The following MYT1L variants were observed in gnomAD, a reference collection of about 807,000 sequenced individuals.
MYT1L encodes myelin transcription factor 1-like protein.
MYT1L carries 12 observed loss-of-function variants against 126.7 expected under a neutral mutation model. The observed-to-expected ratio is 0.09, with a 90% CI of 0.06 to 0.15. The LOEUF is 0.15. MYT1L is among the 10% of genes least tolerant of loss of function. The probability of loss-of-function intolerance (pLI) is 1.00; values close to 1 mark genes in which losing one functional copy is unlikely to be tolerated. For synonymous variants in MYT1L, 541 were observed against 604.2 expected, an observed-to-expected ratio of 0.90 and a Z score of 1.53; for missense variants, 979 against 1,585.2, an observed-to-expected ratio of 0.62 and a Z score of 6.49.
intron 5 of MYT1L, among the ~76,000 whole-genome samples, chr2:1,986,460 A>ATGTT (rs1385612999): frequency 6.6e-6 from 1 of 152,188 alleles, no homozygotes; most frequent in Non-Finnish European, 1.5e-5. Context: ...TCCTCCCATC[A>ATGTT]TGTTTGAGCC....
chr2:2,148,406 C>G (rs1034105655), intron 3 of MYT1L, among the ~76,000 whole-genome samples: 6 of 152,196 alleles, frequency 3.9e-5, no homozygotes, highest in African/African-American at 1.4e-4. Flanking sequence ...ACCTGCTGAT[C>G]TGATGGGGGG....
chr2:1,922,638 C>G lies in MYT1L; in HGVS notation c.1131G>C (p.Ser377=), dbSNP rs776159842. The G allele has an allele frequency of 9.3e-6, 15 of 1,613,904 alleles. No homozygotes were observed. The South Asian group carries it at 1.3e-4, about 14-fold the overall frequency. ...FPGRTPDRNY[S]DMLNLMRLEE... ...CCAGCCGCATGAGGTTCAGCATGTC[C>G]GAGTAGTTTCTGTCCGGCGTCCTTC... Residue 377 remains serine, a synonymous_variant, in exon 10 of 25, where the codon TCG becomes TCC. Transcript: ENST00000647738. The surrounding 1 kb of genome is among the most constrained non-coding windows in gnomAD (Gnocchi z 7.4).
At chr2:2,133,965 T>C (rs775206853) in intron 3 of MYT1L, among the ~76,000 whole-genome samples, 1 of 152,220 alleles carries the variant, frequency 6.6e-6, no homozygotes, top group Non-Finnish European at 1.5e-5. Context: ...AAGAGAATGT[T>C]GATTCTCTTT....
In MYT1L at chr2:1,922,359, C is replaced by G. The variant is rs373769933; in HGVS notation, c.1410G>C (p.Pro470=). 6.2e-7 allele frequency: 1 copy of G among 1,613,998 alleles called. No homozygotes were observed. Residue 470 remains proline, a synonymous_variant, in exon 10 of 25, where the codon CCG becomes CCC. Transcript: ENST00000647738. The surrounding 1 kb of genome is among the most constrained non-coding windows in gnomAD (Gnocchi z 7.4). ...DNMRSYEDQS[P]RQLPGEDRKP... ...TTCTGTCCTCCCCGGGAAGTTGTCTCGGAGACTGGTCCTCATATGACCTCA... is the reference window on the plus strand; with the variant it reads ...TTCTGTCCTCCCCGGGAAGTTGTCTGGGAGACTGGTCCTCATATGACCTCA...
At chr2:1,960,329 C>T (rs890424026) in intron 8 of MYT1L, among the ~76,000 whole-genome samples, 2 of 152,230 alleles carry the variant, frequency 1.3e-5, no homozygotes, top group African/African-American at 4.8e-5. Context: ...ACTTTACACA[C>T]ATGAAAATAC....
intron 8 of MYT1L, among the ~76,000 whole-genome samples, chr2:1,958,996 T>A (rs1268219640): frequency 2.0e-5 from 3 of 152,150 alleles, no homozygotes; most frequent in African/African-American, 7.2e-5. Context: ...GTCAGTCTCA[T>A]AAATTATAAA....
intron 2 of MYT1L, among the ~76,000 whole-genome samples, chr2:2,236,650 A>G (rs2094315424): frequency 6.6e-6 from 1 of 150,960 alleles, no homozygotes; most frequent in African/African-American, 2.4e-5. Flanking sequence ...AACCCAGCAC[A>G]TCCCAACCCA....
chr2:2,266,525 T>C (rs2095134620), intron 2 of MYT1L, among the ~76,000 whole-genome samples: 1 of 152,196 alleles, frequency 6.6e-6, no homozygotes, highest in African/African-American at 2.4e-5. Flanking sequence ...CATTTCGCAG[T>C]GGCTCCATGT....
intron 8 of MYT1L, among the ~76,000 whole-genome samples, chr2:1,955,015 C>T (rs920908636): frequency 6.6e-6 from 1 of 151,612 alleles, no homozygotes; most frequent in African/African-American, 2.4e-5. Context: ...AGCCGGGCGT[C>T]GTGGCATGCA....
chr2:1,903,352 G>A (rs2050597171), intron 13 of MYT1L, 58 bp from the exon 14 acceptor site: 12 of 1,366,122 alleles, frequency 8.8e-6, no homozygotes, highest in East Asian at 2.4e-5. Flanking sequence ...TGTACACGAC[G>A]AGCTTCACAT....
At chr2:2,292,322 A>T (rs1279821517) in intron 1 of MYT1L, among the ~76,000 whole-genome samples, 6 of 152,202 alleles carry the variant, frequency 3.9e-5, no homozygotes, top group Admixed American at 2.0e-4. Context: ...TGGGATAGCA[A>T]TTCTATTCCC....
Position 1,793,137 on chromosome 2 carries a change from T to C in MYT1L, c.3277-673A>G, listed in dbSNP as rs553706239. 8.0e-4 allele frequency among the ~76,000 whole-genome samples: 122 copies of C among 152,300 alleles called. No individual in the cohort carries two copies. The highest frequency in any genetic ancestry group is 2.8e-3 in the African/African-American group (118 of 41,574). ...ATTTCTGTGTGGAGGTGTCACTGTG[T>C]CTTCAGATGGCACCAGGCTGGCACT... On this transcript the variant is annotated intron_variant, in intron 23 of 24. Coordinates refer to ENST00000647738, the MANE Select transcript of MYT1L (RefSeq NM_001303052.2). This position sits in a 1 kb window ranked among gnomAD's most constrained non-coding sequence, Gnocchi z 4.6.
Position 1,791,118 on chromosome 2 carries a change from A to G in MYT1L, c.*749T>C. ...GGAGTTAATTTAAAAGTGCTGTTTAAGCTGCTTTGAATCTTCTGCCAAGTT... is the reference window on the plus strand; with the variant it reads ...GGAGTTAATTTAAAAGTGCTGTTTAGGCTGCTTTGAATCTTCTGCCAAGTT... On this transcript the variant is annotated 3_prime_UTR_variant, in exon 25 of 25. Transcript: ENST00000647738. The surrounding 1 kb of genome is among the most constrained non-coding windows in gnomAD (Gnocchi z 6.0). 4.5e-6 allele frequency: 2 copies of G among 443,352 alleles called. No homozygotes were observed. The highest frequency in any genetic ancestry group is 3.4e-5 in the South Asian group (2 of 58,328). 27.5% of individuals were successfully genotyped at this position (443,352 alleles called of 1,614,324 possible).
chr2:1,833,381 C>T (rs1244463590), intron 21 of MYT1L, among the ~76,000 whole-genome samples: 1 of 152,132 alleles, frequency 6.6e-6, no homozygotes, highest in Non-Finnish European at 1.5e-5. Flanking sequence ...CTGCATGGGC[C>T]TCATGGTCCC....
chr2:2,126,696 G>A (rs1028076210), intron 3 of MYT1L, among the ~76,000 whole-genome samples: 2 of 152,180 alleles, frequency 1.3e-5, no homozygotes, highest in Admixed American at 6.5e-5. Context: ...CCTCTACTGG[G>A]CATGGTCATC....
intron 13 of MYT1L, among the ~76,000 whole-genome samples, chr2:1,904,842 G>A (rs940241568): frequency 2.4e-4 from 37 of 151,282 alleles, no homozygotes; most frequent in African/African-American, 8.5e-4. Flanking sequence ...CCCCCAGGCT[G>A]GAGTGCAGTG....
chr2:1,903,365 A>G, intron 13 of MYT1L, 71 bp from the exon 14 acceptor site: 1 of 1,206,682 alleles, frequency 8.3e-7, no homozygotes, highest in South Asian at 1.3e-5. Flanking sequence ...CTTCACATTA[A>G]AACTAGAATA....
chr2:2,227,348 G>A (rs1281326787), intron 2 of MYT1L, among the ~76,000 whole-genome samples: 4 of 152,108 alleles, frequency 2.6e-5, no homozygotes, highest in Non-Finnish European at 4.4e-5. Context: ...TTGACATCTC[G>A]ACTGAGATAT....
intron 1 of MYT1L, among the ~76,000 whole-genome samples, chr2:2,288,988 A>G (rs2095560580): frequency 6.6e-6 from 1 of 152,238 alleles, no homozygotes; most frequent in Non-Finnish European, 1.5e-5. Flanking sequence ...ACCCTTCAAT[A>G]TAAGCCACAG....
Sources: gnomAD v4.1 joint callset for allele counts (sites outside exome capture counted in the v4.1 genomes callset) on GRCh38, gnomAD v4.1.1 for gene constraint, Gnocchi (gnomAD v3.1) non-coding constraint, MANE v1.5 for transcripts, NCBI Gene and HGNC (gene_info 2026-07-23, HGNC 2026-07-21) for gene names.